Variants in PACRG observed in about 807,000 individuals in gnomAD.
PACRG encodes parkin coregulated gene protein.
PACRG carries 29 observed loss-of-function variants against 29.7 expected under a neutral mutation model. The observed-to-expected ratio is 0.98, with a 90% CI of 0.73 to 1.33. The LOEUF (loss-of-function observed/expected upper bound fraction) is 1.33. Ranked by LOEUF, PACRG falls within the 40% of genes most tolerant of loss-of-function variation. PACRG has a pLI of 0.00. For synonymous variants in PACRG, 116 were observed against 118.7 expected, an observed-to-expected ratio of 0.98 and a Z score of 0.15; for missense variants, 279 against 316.2, an observed-to-expected ratio of 0.88 and a Z score of 0.89.
intron 4 of PACRG, among the ~76,000 whole-genome samples, chr6:163,304,045 G>T (rs1252749351): frequency 1.5e-5 from 2 of 135,142 alleles, no homozygotes; most frequent in African/African-American, 3.0e-5. Flanking sequence ...AAAAGTAAAT[G>T]GGATAATCTC....
Position 162,804,316 on chromosome 6 carries a change from C to T in PACRG, c.157-9831C>T, listed in dbSNP as rs945943745. Among the ~76,000 whole-genome samples the T allele has an allele frequency of 5.3e-5, 8 of 152,256 alleles. No individual in the cohort carries two copies. The South Asian group carries it at 6.2e-4, about 12-fold the overall frequency. ...CTGCCTGTAGCTCTCCTCATCCAAT[C>T]GGTCAGGTGCCCCGAATAATCCTTT... On this transcript the variant is annotated intron_variant, in intron 1 of 4. Transcript: ENST00000366888.
intron 4 of PACRG, among the ~76,000 whole-genome samples, chr6:163,109,258 T>G (rs1393827308): frequency 6.6e-6 from 1 of 152,236 alleles, no homozygotes; most frequent in Non-Finnish European, 1.5e-5. Context: ...GTCAATCATT[T>G]ACCAATCTTA....
chr6:163,195,966 C>G (rs941537317), intron 4 of PACRG, among the ~76,000 whole-genome samples: 18 of 152,176 alleles, frequency 1.2e-4, no homozygotes, highest in African/African-American at 3.9e-4. Flanking sequence ...GGGCGCAGCT[C>G]CCTCTTGCTC....
intron 2 of PACRG, among the ~76,000 whole-genome samples, chr6:162,881,962 G>GT (rs1554297475): frequency 2.9e-5 from 1 of 34,896 alleles, no homozygotes; most frequent in African/African-American, 1.4e-4. Flanking sequence ...AGAGATGGGT[G>GT]GGGGGGGGCA....
intron 4 of PACRG, among the ~76,000 whole-genome samples, chr6:163,272,889 A>ATTATTT: frequency 8.5e-6 from 1 of 117,406 alleles, no homozygotes; most frequent in African/African-American, 3.6e-5. Context: ...ATGATGCATC[A>ATTATTT]TTCTTTTTTT....
intron 4 of PACRG, among the ~76,000 whole-genome samples, chr6:163,142,773 A>C (rs1314283030): frequency 6.6e-6 from 1 of 152,210 alleles, no homozygotes; most frequent in African/African-American, 2.4e-5. Context: ...ATGTGGTTTG[A>C]GAAGGGCACT....
chr6:162,758,008 T>A (rs990421886), intron 1 of PACRG, among the ~76,000 whole-genome samples: 2 of 152,202 alleles, frequency 1.3e-5, no homozygotes, highest in African/African-American at 2.4e-5. Flanking sequence ...AAACTTACTT[T>A]AATGGCAATG....
intron 2 of PACRG, among the ~76,000 whole-genome samples, chr6:162,832,944 T>G (rs920217290): frequency 1.9e-4 from 29 of 152,116 alleles, no homozygotes; most frequent in Non-Finnish European, 3.1e-4. Context: ...AAGCAATTTC[T>G]CTTTGTTTTT....
At chr6:162,747,325 C>CATATATATAT (rs1190146053) in intron 1 of PACRG, among the ~76,000 whole-genome samples, 2 of 33,236 alleles carry the variant, frequency 6.0e-5, no homozygotes, top group African/African-American at 9.8e-5. Flanking sequence ...TCTCCTTGCT[C>CATATATATAT]ATATATATAT....
In PACRG at chr6:163,117,715, C is replaced by T. The variant is rs571936147; in HGVS notation, c.613+28307C>T. Among the ~76,000 whole-genome samples the T allele has an allele frequency of 4.7e-5, 7 of 148,880 alleles. No individual in the cohort carries two copies. In the South Asian group the frequency reaches 1.5e-3, roughly 31 times the overall value. ...GCAGTGAGCCGAGATTGCACCACTG[C>T]ACTCCAGACTGGGTGACAAGAACGA... On this transcript the variant is annotated intron_variant, in intron 4 of 4. Coordinates refer to ENST00000366888, the MANE Select transcript of PACRG (RefSeq NM_001080379.2).
chr6:162,833,520 ATGT>A (rs1183786319), intron 2 of PACRG, among the ~76,000 whole-genome samples: 1 of 152,058 alleles, frequency 6.6e-6, no homozygotes, highest in Admixed American at 6.6e-5. Flanking sequence ...AAAAAACAAT[ATGT>A]TGTTTCTTGA....
intron 4 of PACRG, among the ~76,000 whole-genome samples, chr6:163,286,336 A>G (rs919678188): frequency 1.3e-5 from 2 of 152,318 alleles, no homozygotes; most frequent in Middle Eastern, 6.8e-3. Context: ...ATTGATACAT[A>G]AAGTGGGACA....
Position 163,055,791 on chromosome 6 carries a change from G to C in PACRG, c.292-6359G>C, listed in dbSNP as rs1400196284. 6.6e-6 allele frequency among the ~76,000 whole-genome samples: 1 copy of C among 152,094 alleles called. No homozygotes were observed. The highest frequency in any genetic ancestry group is 2.4e-5 in the African/African-American group (1 of 41,396). On this transcript the variant is annotated intron_variant, in intron 2 of 4. Coordinates refer to ENST00000366888, the MANE Select transcript of PACRG (RefSeq NM_001080379.2). This position sits in a 1 kb window ranked among gnomAD's most constrained non-coding sequence, Gnocchi z 4.0. ...TGACCATGACCACCATCTAGTTCCA[G>C]AACTTTTTCATCACCCCACATGGAA...
rs78793149 is a variant in PACRG at position 162,775,735 on chromosome 6, T to A, written c.157-38412T>A. Among the ~76,000 whole-genome samples the A allele has an allele frequency of 2.0e-4, 30 of 152,358 alleles. No homozygotes were observed. The East Asian group carries it at 5.6e-3, about 28-fold the overall frequency. ...GAATCATTTTGAAGCAGATTCTGTA[T>A]ATCAGCTTCTTTTCCTTGCCTATTG... On this transcript the variant is annotated intron_variant, in intron 1 of 4. Transcript: ENST00000366888.
intron 4 of PACRG, among the ~76,000 whole-genome samples, chr6:163,178,548 G>T (rs1272865108): frequency 6.6e-6 from 1 of 152,170 alleles, no homozygotes; most frequent in Non-Finnish European, 1.5e-5. Context: ...ACTTCATAGA[G>T]CCGTTGCACT....
chr6:162,875,316 G>T (rs527325838), intron 2 of PACRG, among the ~76,000 whole-genome samples: 2 of 146,812 alleles, frequency 1.4e-5, no homozygotes, highest in African/African-American at 2.6e-5. Context: ...GACATGCACA[G>T]ACATTCACAC....
chr6:162,949,686 T>C (rs1404030817), intron 2 of PACRG, among the ~76,000 whole-genome samples: 1 of 152,214 alleles, frequency 6.6e-6, no homozygotes, highest in Non-Finnish European at 1.5e-5. Context: ...CAGTGATACA[T>C]ACTTTTGAGT....
intron 3 of PACRG, among the ~76,000 whole-genome samples, chr6:163,076,925 G>A (rs921806032): frequency 6.6e-6 from 1 of 152,122 alleles, no homozygotes; most frequent in Non-Finnish European, 1.5e-5. Context: ...ATGTTAGAAA[G>A]TAATACATCC....
At chr6:162,973,671 G>A (rs772035204) in intron 2 of PACRG, among the ~76,000 whole-genome samples, 23 of 151,980 alleles carry the variant, frequency 1.5e-4, no homozygotes, top group African/African-American at 5.1e-4. Flanking sequence ...TATTTATGTT[G>A]TACTAAGTCA....
Sources: gnomAD v4.1 joint callset for allele counts (sites outside exome capture counted in the v4.1 genomes callset) on GRCh38, gnomAD v4.1.1 for gene constraint, Gnocchi (gnomAD v3.1) non-coding constraint, MANE v1.5 for transcripts, NCBI Gene and HGNC (gene_info 2026-07-23, HGNC 2026-07-21) for gene names.